GSE1: variants seen among roughly 807,000 people sequenced by gnomAD.
GSE1 encodes the protein genetic suppressor element 1.
Under a neutral mutation model 112.6 loss-of-function variants are expected in GSE1, and 32 were observed. The ratio of observed to expected loss-of-function variants is 0.28; its 90% CI spans 0.21 to 0.38. The LOEUF (loss-of-function observed/expected upper bound fraction) is 0.38. Among genes scored for constraint, GSE1 ranks in the 10% least tolerant of loss-of-function variants. The pLI is 1.00. For synonymous variants in GSE1, 1,115 were observed against 735.6 expected, an observed-to-expected ratio of 1.52 and a Z score of -8.35; for missense variants, 2,348 against 1,699.2, an observed-to-expected ratio of 1.38 and a Z score of -6.71.
chr16:85,625,262 C>T (rs757871556), intron 1 of GSE1, among the ~76,000 whole-genome samples: 5 of 152,236 alleles, frequency 3.3e-5, no homozygotes, highest in African/African-American at 4.8e-5. Flanking sequence ...TTAGGATAAT[C>T]GCGTCAAATG....
chr16:85,652,088 T>G (rs1264588546), intron 3 of GSE1, among the ~76,000 whole-genome samples: 1 of 152,192 alleles, frequency 6.6e-6, no homozygotes, highest in Non-Finnish European at 1.5e-5. Flanking sequence ...ACCTGCCATG[T>G]CCGGGCCCCC....
At chr16:85,552,984 A>G (rs537624738), upstream of GSE1, among the ~76,000 whole-genome samples, 1 of 152,238 alleles carries the variant, frequency 6.6e-6, no homozygotes, top group African/African-American at 2.4e-5. Flanking sequence ...AATCCCGGAG[A>G]ATTAAAAACC....
chr16:85,514,578 G>A (rs56061621), intron 2 of GSE1, among the ~76,000 whole-genome samples: 26,645 of 152,134 alleles, frequency 0.18, 2,554 homozygotes, highest in South Asian at 0.26. Flanking sequence ...CCGGGAAGGC[G>A]GCCAGCCCCA....
chr16:85,364,303 T>C (rs908115966), intron 2 of GSE1, among the ~76,000 whole-genome samples: 2 of 152,128 alleles, frequency 1.3e-5, no homozygotes, highest in East Asian at 1.9e-4. Flanking sequence ...CCTCTCCTAC[T>C]TAGAAGGCCC....
chr16:85,559,597 G>A (rs563503507), intron 1 of GSE1, among the ~76,000 whole-genome samples: 13 of 152,242 alleles, frequency 8.5e-5, no homozygotes, highest in South Asian at 4.1e-4. Flanking sequence ...TCAGGCACCC[G>A]CTGCTCCTGT....
chr16:85,491,143 G>C (rs970357639), intron 2 of GSE1, among the ~76,000 whole-genome samples: 1 of 152,212 alleles, frequency 6.6e-6, no homozygotes, highest in Non-Finnish European at 1.5e-5. Context: ...GATGGAAAGA[G>C]CTTTTGAGCC....
At chr16:85,499,988 A>G (rs1398837396) in intron 2 of GSE1, among the ~76,000 whole-genome samples, 1 of 152,234 alleles carries the variant, frequency 6.6e-6, no homozygotes, top group African/African-American at 2.4e-5. Context: ...ATTGTAAGAA[A>G]GCAAGTCATA....
At position 85,311,615 on chromosome 16, in the gene GSE1, C is replaced by T. The variant is rs1187020905; in HGVS notation, c.2284-45848C>T. Among the ~76,000 whole-genome samples the T allele has an allele frequency of 2.0e-5, 3 of 148,726 alleles. No individual in the cohort carries two copies. The highest frequency in any genetic ancestry group is 7.6e-5 in the African/African-American group (3 of 39,448). ...ACTCCATGGGCTTCTGCTTCGGTGC[C>T]CCTGGGGGTCCTTCTCCAGGGCCCC... On this transcript the variant is annotated intron_variant, in intron 1 of 2. Transcript: ENST00000637419. The surrounding 1 kb of genome is among the most constrained non-coding windows in gnomAD (Gnocchi z 4.2).
intron 1 of GSE1, among the ~76,000 whole-genome samples, chr16:85,181,422 T>C (rs1217280116): frequency 1.3e-5 from 2 of 152,146 alleles, no homozygotes; most frequent in Admixed American, 1.3e-4. Flanking sequence ...CCTCAGCCTT[T>C]CCCCTGCCCT....
At chr16:85,511,633 A>T (rs2051749973) in intron 2 of GSE1, among the ~76,000 whole-genome samples, 3 of 151,974 alleles carry the variant, frequency 2.0e-5, no homozygotes, top group Admixed American at 2.0e-4. Flanking sequence ...AGAGGGGATT[A>T]TGTTAAGGAT....
At chr16:85,375,541 C>T (rs1005932129) in intron 2 of GSE1, among the ~76,000 whole-genome samples, 1 of 152,246 alleles carries the variant, frequency 6.6e-6, no homozygotes, top group African/African-American at 2.4e-5. Flanking sequence ...GACCCTGAGA[C>T]CCCCAAGCCT....
chr16:85,654,616 C>T (rs1223429610), intron 4 of GSE1, among the ~76,000 whole-genome samples, 166 bp downstream of exon 4: 1 of 152,182 alleles, frequency 6.6e-6, no homozygotes. Context: ...CCCCTTCACA[C>T]TGAGGTGGCA....
At chr16:85,474,439 G>T (rs2050389754) in intron 2 of GSE1, among the ~76,000 whole-genome samples, 1 of 152,138 alleles carries the variant, frequency 6.6e-6, no homozygotes, top group Non-Finnish European at 1.5e-5. Context: ...GGGACCTCGG[G>T]CAGTGGGGAT....
At chr16:85,303,061 C>T (rs2045570699) in intron 1 of GSE1, among the ~76,000 whole-genome samples, 2 of 152,352 alleles carry the variant, frequency 1.3e-5, no homozygotes, top group Non-Finnish European at 1.5e-5. Context: ...CCCCCGCCTG[C>T]AGCGAGGGGG....
chr16:85,290,089 G>A (rs763645198), intron 1 of GSE1, among the ~76,000 whole-genome samples: 16 of 152,166 alleles, frequency 1.1e-4, no homozygotes, highest in South Asian at 8.3e-4. Flanking sequence ...TCCCAGAGTC[G>A]CCGCTTGGGT....
At chr16:85,262,621 T>A (rs933182739) in intron 1 of GSE1, among the ~76,000 whole-genome samples, 2 of 152,202 alleles carry the variant, frequency 1.3e-5, no homozygotes, top group African/African-American at 4.8e-5. Flanking sequence ...GAACGCCTGA[T>A]CCCTAGAGCC....
intron 1 of GSE1, among the ~76,000 whole-genome samples, chr16:85,573,173 C>G (rs1448206840): frequency 1.3e-5 from 2 of 152,136 alleles, no homozygotes; most frequent in Non-Finnish European, 2.9e-5. Context: ...CCATCCCTTT[C>G]TTTTTTTAAA....
At chr16:85,610,954 C>T (rs2047944381), upstream of GSE1, among the ~76,000 whole-genome samples, 1 of 152,254 alleles carries the variant, frequency 6.6e-6, no homozygotes, top group Non-Finnish European at 1.5e-5. Flanking sequence ...GGCCACTCCA[C>T]ACGTTTTTGT....
chr16:85,169,733 C>T, exon 1 of GSE1: 1 of 983,402 alleles, frequency 1.0e-6, no homozygotes, highest in Non-Finnish European at 1.2e-6. Flanking sequence ...CAGCAGGAGC[C>T]GGCGCCCGGC....
Sources: gnomAD v4.1 joint callset for allele counts (sites outside exome capture counted in the v4.1 genomes callset) on GRCh38, gnomAD v4.1.1 for gene constraint, Gnocchi (gnomAD v3.1) non-coding constraint, MANE v1.5 for transcripts, NCBI Gene and HGNC (gene_info 2026-07-23, HGNC 2026-07-21) for gene names.